Variants in TCF4 observed in about 807,000 individuals in gnomAD.
The protein encoded by TCF4 is transcription factor 4.
TCF4 carries 3 observed loss-of-function variants against 82.1 expected under a neutral mutation model. The ratio of observed to expected loss-of-function variants is 0.04; its 90% CI spans 0.02 to 0.09. The LOEUF (loss-of-function observed/expected upper bound fraction) is 0.09, where lower values mean the gene tolerates loss of function less well. Among genes scored for constraint, TCF4 ranks in the 10% least tolerant of loss-of-function variants. The pLI, the probability that TCF4 is intolerant of heterozygous loss-of-function variation, is 1.00. For missense variants in TCF4, 518 were observed against 852.7 expected, an observed-to-expected ratio of 0.61 and a Z score of 4.89; for synonymous variants, 276 against 309.6, an observed-to-expected ratio of 0.89 and a Z score of 1.14.
chr18:55,543,354 G>C (rs375427880), intron 3 of TCF4, among the ~76,000 whole-genome samples: 1 of 152,098 alleles, frequency 6.6e-6, no homozygotes, highest in Admixed American at 6.5e-5. Flanking sequence ...CACTGCCTTG[G>C]CTAATGCCTG....
chr18:55,571,552 G>C (rs539692004), intron 3 of TCF4, among the ~76,000 whole-genome samples: 3 of 152,104 alleles, frequency 2.0e-5, no homozygotes, highest in African/African-American at 7.2e-5. Context: ...ACTTACATTT[G>C]TTACACAGAT....
intron 3 of TCF4, among the ~76,000 whole-genome samples, chr18:55,520,496 G>A (rs978636558): frequency 7.2e-5 from 11 of 152,084 alleles, no homozygotes; most frequent in Non-Finnish European, 1.0e-4. Flanking sequence ...CAAAATGTTC[G>A]TTGTTTTTAA....
intron 2 of TCF4, chr18:55,585,958 G>C (rs2097640734): frequency 7.7e-7 from 1 of 1,294,242 alleles, no homozygotes; most frequent in Admixed American, 3.4e-5. Flanking sequence ...GACGTATCTA[G>C]TGGATAATGC....
intron 3 of TCF4, among the ~76,000 whole-genome samples, chr18:55,569,486 A>G (rs1055905032): frequency 6.6e-6 from 1 of 152,150 alleles, no homozygotes; most frequent in African/African-American, 2.4e-5. Flanking sequence ...CAGAGGTTGC[A>G]GTGAGCTAAG....
intron 4 of TCF4, 143 bp from the exon 5 acceptor site, chr18:55,461,258 T>TG (rs1454412223): frequency 1.4e-6 from 1 of 689,864 alleles, no homozygotes; most frequent in Non-Finnish European, 2.5e-6. Context: ...AGAAGGAATC[T>TG]GCACTTTCAC....
intron 8 of TCF4, among the ~76,000 whole-genome samples, chr18:55,305,618 T>A (rs751246350): frequency 2.0e-5 from 3 of 152,204 alleles, no homozygotes; most frequent in Non-Finnish European, 4.4e-5. Flanking sequence ...TATCAATTTA[T>A]GTTTAGACAA....
chr18:55,391,881 T>A (rs1167840541), intron 6 of TCF4, among the ~76,000 whole-genome samples: 3 of 138,536 alleles, frequency 2.2e-5, no homozygotes, highest in African/African-American at 8.2e-5. Flanking sequence ...GAGGTTGCAG[T>A]GAGCAGAGAT....
At chr18:55,554,561 A>C (rs2097288319) in intron 3 of TCF4, among the ~76,000 whole-genome samples, 1 of 152,194 alleles carries the variant, frequency 6.6e-6, no homozygotes, top group Non-Finnish European at 1.5e-5. Flanking sequence ...TAAAACTGAA[A>C]TAATCAAATT....
At chr18:55,618,463 G>C (rs1159498644) in intron 2 of TCF4, among the ~76,000 whole-genome samples, 1 of 151,762 alleles carries the variant, frequency 6.6e-6, no homozygotes, top group Non-Finnish European at 1.5e-5. Context: ...TTTAATTTCT[G>C]ACTTTATTTG....
chr18:55,437,685 C>A (rs2095357853), intron 5 of TCF4, among the ~76,000 whole-genome samples: 1 of 152,158 alleles, frequency 6.6e-6, no homozygotes, highest in Non-Finnish European at 1.5e-5. Flanking sequence ...CAGCCCAGGC[C>A]TCTAAACACA....
chr18:55,343,659 G>C (rs577420023), intron 8 of TCF4, among the ~76,000 whole-genome samples: 1 of 152,172 alleles, frequency 6.6e-6, no homozygotes, highest in Non-Finnish European at 1.5e-5. Context: ...TCTGAAGAGG[G>C]AGTATATGCT....
chr18:55,293,121 A>C (rs1468450458), intron 8 of TCF4, among the ~76,000 whole-genome samples: 1 of 152,172 alleles, frequency 6.6e-6, no homozygotes, highest in African/African-American at 2.4e-5. Context: ...ATTTTACATT[A>C]TGTGACTTTC....
intron 5 of TCF4, among the ~76,000 whole-genome samples, chr18:55,449,256 T>C (rs1378409385): frequency 6.6e-6 from 1 of 152,206 alleles, no homozygotes; most frequent in Admixed American, 6.5e-5. Flanking sequence ...CCACAGCTAC[T>C]GAGGCGGTCT....
intron 11 of TCF4, chr18:55,266,776 A>C (rs1056808108): frequency 1.6e-4 from 24 of 152,094 alleles, no homozygotes; most frequent in Non-Finnish European, 2.9e-5. Context: ...ACACCTGGTC[A>C]CTCCCCCAAG....
At chr18:55,251,486 A>G (rs1893430) in intron 15 of TCF4, among the ~76,000 whole-genome samples, 54,131 of 152,016 alleles carry the variant, frequency 0.36, 9,703 homozygotes, top group Middle Eastern at 0.41. Flanking sequence ...TCCCCACCAC[A>G]ACTTCAAGCT....
chr18:55,373,011 T>C (rs1206742191), intron 6 of TCF4, among the ~76,000 whole-genome samples: 1 of 151,424 alleles, frequency 6.6e-6, no homozygotes, highest in African/African-American at 2.4e-5. Flanking sequence ...CAGCAAAAAA[T>C]ATAAAACAAA....
At chr18:55,539,418 G>C (rs2097146039) in intron 3 of TCF4, among the ~76,000 whole-genome samples, 2 of 152,218 alleles carry the variant, frequency 1.3e-5, no homozygotes, top group South Asian at 4.1e-4. Flanking sequence ...TATACTATTT[G>C]CTTAGTTTGG....
intron 6 of TCF4, among the ~76,000 whole-genome samples, chr18:55,396,893 TGAAA>T (rs2093530030): frequency 6.6e-6 from 1 of 152,158 alleles, no homozygotes. Context: ...AAATGAATGA[TGAAA>T]GAAACTGCCC....
intron 8 of TCF4, among the ~76,000 whole-genome samples, chr18:55,298,483 T>A (rs964068562): frequency 6.6e-6 from 1 of 152,082 alleles, no homozygotes; most frequent in Non-Finnish European, 1.5e-5. Flanking sequence ...GAGCCCCCAA[T>A]ACTATATATT....
Sources: gnomAD v4.1 joint callset for allele counts (sites outside exome capture counted in the v4.1 genomes callset) on GRCh38, gnomAD v4.1.1 for gene constraint, MANE v1.5 for transcripts, NCBI Gene and HGNC (gene_info 2026-07-23, HGNC 2026-07-21) for gene names.